The following ZMAT3 variants were observed in gnomAD, a reference collection of about 807,000 sequenced individuals.
ZMAT3 encodes the protein zinc finger matrin-type protein 3.
A neutral mutation model predicts 32.3 loss-of-function variants in ZMAT3; 17 were observed. The observed-to-expected ratio is 0.53, with a 90% CI of 0.36 to 0.79. The LOEUF (loss-of-function observed/expected upper bound fraction) is 0.79, where lower values mean the gene tolerates loss of function less well. Ranked by LOEUF, ZMAT3 falls within the 30% of genes least tolerant of loss-of-function variation. ZMAT3 has a pLI of 0.00. For missense variants in ZMAT3, 329 were observed against 359.7 expected (o/e 0.91, Z 0.69); for synonymous variants, 120 against 133.1 (o/e 0.90, Z 0.68).
chr3:179,048,073 T>C (rs1300095338), intron 2 of ZMAT3, among the ~76,000 whole-genome samples: 2 of 152,116 alleles, frequency 1.3e-5, no homozygotes, highest in Non-Finnish European at 2.9e-5. Flanking sequence ...AGAGCTCAAA[T>C]ATAAGGCTTT....
Position 179,024,676 on chromosome 3 carries a change from T to C in ZMAT3, c.*341A>G, listed in dbSNP as rs1560082091. On this transcript the variant is annotated 3_prime_UTR_variant, in exon 6 of 6. Transcript: ENST00000311417. Reference sequence around the variant, plus strand: ...AAATTGCAAAAGAAAATGAAACTTTTAAATAGTCAAAGTTCTAAGCCGTCA... The same window carrying C: ...AAATTGCAAAAGAAAATGAAACTTTCAAATAGTCAAAGTTCTAAGCCGTCA... 9.5e-6 allele frequency: 2 copies of C among 211,354 alleles called. No homozygotes were observed. Among genetic ancestry groups the C allele is most frequent in the African/African-American group, 4.5e-5 (2 of 44,592 alleles). The allele number at this position is 211,354 out of a possible 1,614,324, so 13.1% of individuals were successfully genotyped here.
chr3:179,064,001 C>T (rs1390686407), intron 2 of ZMAT3, among the ~76,000 whole-genome samples: 1 of 152,186 alleles, frequency 6.6e-6, no homozygotes, highest in East Asian at 1.9e-4. Flanking sequence ...GGAAAAAATG[C>T]TAGTGAGCTT....
intron 2 of ZMAT3, among the ~76,000 whole-genome samples, chr3:179,060,713 T>G (rs1283539316): frequency 6.6e-6 from 1 of 152,114 alleles, no homozygotes; most frequent in African/African-American, 2.4e-5. Flanking sequence ...AAGGATCTAC[T>G]AGTGCTGACC....
intron 2 of ZMAT3, among the ~76,000 whole-genome samples, chr3:179,054,885 T>C (rs982377562): frequency 1.3e-5 from 2 of 152,188 alleles, no homozygotes; most frequent in African/African-American, 2.4e-5. Context: ...CCCGGGTTCA[T>C]CCTAATTGAG....
chr3:179,033,105 A>T (rs1193096285), intron 2 of ZMAT3, among the ~76,000 whole-genome samples: 1 of 152,258 alleles, frequency 6.6e-6, no homozygotes, highest in East Asian at 1.9e-4. Flanking sequence ...GTGTAGAAAG[A>T]AGTAGACATA....
At chr3:179,031,112 G>C in intron 2 of ZMAT3, 113 bp from the exon 3 acceptor site, 1 of 843,984 alleles carries the variant, frequency 1.2e-6, no homozygotes, top group Non-Finnish European at 1.7e-6. Context: ...TTGAGAGAGA[G>C]ACCACATTCA....
chr3:179,033,515 A>C (rs1308250717), intron 2 of ZMAT3, among the ~76,000 whole-genome samples: 4 of 146,890 alleles, frequency 2.7e-5, no homozygotes, highest in Admixed American at 1.4e-4. Flanking sequence ...TTTAAAAAAA[A>C]GGAAAGAAAG....
At position 179,027,828 on chromosome 3, in the gene ZMAT3, CA is replaced by C. The variant is rs1415446436; in HGVS notation, c.391-17del. 1.0e-5 allele frequency: 16 copies of C among 1,581,866 alleles called. No individual in the cohort carries two copies. The highest frequency in any genetic ancestry group is 1.4e-5 in the Non-Finnish European group (16 of 1,168,616). ...AGGAGCCCATCTGACATCAAAGACA[CA>C]AGAAGAAACAAAGTTAAAAAAAATA... On this transcript the variant is annotated splice_polypyrimidine_tract_variant and intron_variant, in intron 3 of 5. Transcript: ENST00000311417.
chr3:179,048,937 A>G (rs1720393535), intron 2 of ZMAT3, among the ~76,000 whole-genome samples: 1 of 152,242 alleles, frequency 6.6e-6, no homozygotes, highest in South Asian at 2.1e-4. Context: ...GACTCGTGAT[A>G]CATAAGGACT....
At chr3:179,065,892 C>A (rs1384698200) in intron 2 of ZMAT3, among the ~76,000 whole-genome samples, 1 of 151,830 alleles carries the variant, frequency 6.6e-6, no homozygotes, top group East Asian at 1.9e-4. Context: ...GGCAACAGAG[C>A]GAGACTCTGT....
At position 179,025,218 on chromosome 3, in the gene ZMAT3, G is replaced by A. The variant is rs1368076785; in HGVS notation, c.669C>T (p.Tyr223=). 6.2e-7 allele frequency: 1 copy of A among 1,613,272 alleles called. No individual in the cohort carries two copies. Among genetic ancestry groups the A allele is most frequent in the Non-Finnish European group, 8.5e-7 (1 of 1,179,480 alleles). Residue 223 remains tyrosine (Y), a synonymous_variant, in exon 6 of 6, where the codon TAC becomes TAT. Coordinates refer to ENST00000311417, the MANE Select transcript of ZMAT3 (RefSeq NM_022470.4). ...YTVQNNSAGP[Y]FNPRSRQRIP... The stretch of plus-strand genomic sequence containing the variant: ...TTCTCTGCCGAGAGCGGGGATTGAA[G>A]TAAGGACCTGCTAAAGCAAGAGATA...
chr3:179,055,961 G>C (rs1720820897), intron 2 of ZMAT3, among the ~76,000 whole-genome samples: 1 of 152,160 alleles, frequency 6.6e-6, no homozygotes, highest in Non-Finnish European at 1.5e-5. Flanking sequence ...TCAGAACATG[G>C]AGATTGGTGC....
intron 2 of ZMAT3, among the ~76,000 whole-genome samples, chr3:179,064,015 G>A (rs1039894544): frequency 6.6e-6 from 1 of 152,346 alleles, no homozygotes; most frequent in South Asian, 2.1e-4. Flanking sequence ...TGAGCTTAAA[G>A]GGAAGTATTT....
intron 2 of ZMAT3, among the ~76,000 whole-genome samples, chr3:179,041,598 A>G (rs1172149614): frequency 6.6e-6 from 1 of 152,242 alleles, no homozygotes; most frequent in Non-Finnish European, 1.5e-5. Context: ...GTAGAGGGAA[A>G]TTTATAGCAC....
At chr3:179,072,121 T>C (rs1241212160), upstream of ZMAT3, 1 of 152,468 alleles carries the variant, frequency 6.6e-6, no homozygotes, top group African/African-American at 2.4e-5. Context: ...GGGCAGAGCT[T>C]TTGCAACTTT....
intron 2 of ZMAT3, among the ~76,000 whole-genome samples, chr3:179,032,213 G>C (rs370932650): frequency 6.6e-6 from 1 of 151,594 alleles, no homozygotes; most frequent in South Asian, 2.1e-4. Flanking sequence ...CGTGTTGGCC[G>C]GGCTGGTCTC....
chr3:179,072,238 C>G (rs557998389), upstream of ZMAT3: 621 of 152,666 alleles, frequency 4.1e-3, 2 homozygotes, highest in Middle Eastern at 0.013. Context: ...TGCAACAGAA[C>G]CTTTAAACTG....
At chr3:179,032,272 G>A (rs1253425831) in intron 2 of ZMAT3, among the ~76,000 whole-genome samples, 14 of 151,886 alleles carry the variant, frequency 9.2e-5, no homozygotes, top group Admixed American at 5.9e-4. Flanking sequence ...CCGAGGTGCC[G>A]GGATTGCAGA....
chr3:179,059,155 T>C (rs1336117051), intron 2 of ZMAT3, among the ~76,000 whole-genome samples: 5 of 152,090 alleles, frequency 3.3e-5, no homozygotes, highest in African/African-American at 1.2e-4. Context: ...CAAGTGGATA[T>C]TGAAGCCAAA....
Sources: allele counts gnomAD v4.1 joint callset (sites outside exome capture counted in the v4.1 genomes callset), GRCh38; gene constraint gnomAD v4.1.1; transcripts MANE v1.5; gene names NCBI Gene and HGNC (gene_info 2026-07-23, HGNC 2026-07-21).